The following DLG1 variants were observed in gnomAD, a reference collection of about 807,000 sequenced individuals.
DLG1 encodes disks large homolog 1.
DLG1 carries 42 observed loss-of-function variants against 123.4 expected under a neutral mutation model. The ratio of observed to expected loss-of-function variants is 0.34; its 90% confidence interval spans 0.27 to 0.44. The LOEUF (loss-of-function observed/expected upper bound fraction) is 0.44. Among genes scored for constraint, DLG1 ranks in the 20% least tolerant of loss-of-function variants. DLG1 has a pLI of 1.00. For synonymous variants in DLG1, 317 were observed against 356.2 expected (o/e 0.89, Z 1.24); for missense variants, 942 against 1,082.6 (o/e 0.87, Z 1.82).
intron 4 of DLG1, among the ~76,000 whole-genome samples, chr3:197,221,413 G>A (rs372688149): frequency 3.3e-5 from 5 of 152,006 alleles, no homozygotes; most frequent in South Asian, 2.1e-4. Flanking sequence ...CCAGCTACTC[G>A]GGAGGCTGAC....
intron 5 of DLG1, among the ~76,000 whole-genome samples, chr3:197,189,159 T>A (rs1173947149): frequency 6.6e-6 from 1 of 152,194 alleles, no homozygotes; most frequent in African/African-American, 2.4e-5. Flanking sequence ...TGGTAATCCA[T>A]CCAAAGGAAA....
chr3:197,069,530 C>T, intron 18 of DLG1: 1 of 249,066 alleles, frequency 4.0e-6, no homozygotes, highest in Non-Finnish European at 7.5e-6. Context: ...ACAAAAAGGG[C>T]TAAGTGACCC....
At chr3:197,225,396 G>A (rs1413227901) in intron 4 of DLG1, among the ~76,000 whole-genome samples, 1 of 152,146 alleles carries the variant, frequency 6.6e-6, no homozygotes, top group Non-Finnish European at 1.5e-5. Flanking sequence ...TTCTTTTGGT[G>A]TTTATTTTGT....
At chr3:197,277,653 G>A (rs1292154261) in intron 4 of DLG1, among the ~76,000 whole-genome samples, 2 of 151,058 alleles carry the variant, frequency 1.3e-5, no homozygotes, top group African/African-American at 4.9e-5. Context: ...ATCTTTTTAA[G>A]AGTCATCTAT....
At position 197,064,292 on chromosome 3, in the gene DLG1, CA is replaced by C. The variant is rs1737994909; in HGVS notation, c.2373+983del. On this transcript the variant is annotated intron_variant, in intron 22 of 24. Coordinates refer to ENST00000667157, the MANE Select transcript of DLG1 (RefSeq NM_001366207.1). ...CACTGCAACCTCCACCTCCCAGGTA[CA>C]AGCAATTCTCCTGCCTCAGCCTCCT... 3.3e-5 allele frequency among the ~76,000 whole-genome samples: 5 copies of C among 151,768 alleles called. No homozygotes were observed. The South Asian group carries it at 1.0e-3, about 32-fold the overall frequency.
chr3:197,120,767 A>C (rs757800117), intron 11 of DLG1, among the ~76,000 whole-genome samples: 10 of 152,204 alleles, frequency 6.6e-5, no homozygotes, highest in Non-Finnish European at 1.5e-4. Context: ...TTAGAGATGC[A>C]GTGTATCTAT....
chr3:197,154,760 A>C (rs950869992), intron 5 of DLG1, among the ~76,000 whole-genome samples: 1 of 152,160 alleles, frequency 6.6e-6, no homozygotes, highest in Non-Finnish European at 1.5e-5. Flanking sequence ...AGAGAAATAA[A>C]AATTATAAAA....
rs200331171 is a variant in DLG1 at position 197,116,048 on chromosome 3, G to C, written c.1322C>G (p.Thr441Arg). 2.9e-5 allele frequency: 46 copies of C among 1,607,668 alleles called. 1 individual carries two copies. The highest frequency in any genetic ancestry group is 3.4e-5 in the Admixed American group (2 of 58,718). Residue 441 changes from threonine to arginine, a missense_variant, in exon 13 of 25, where the codon ACG becomes AGG. Physicochemically the swap from Thr to Arg is moderately conservative, Grantham distance 71. Coordinates refer to ENST00000667157, the MANE Select transcript of DLG1 (RefSeq NM_001366207.1). ...TCCTACAATGTTGAAACCAAGGCCC[G>C]TTGAGCCACGATGAAGAACAACTTT... ...PRKVVLHRGS[T>R]GLGFNIVGGE...
At chr3:197,151,064 C>T (rs966141469) in intron 5 of DLG1, among the ~76,000 whole-genome samples, 1 of 152,094 alleles carries the variant, frequency 6.6e-6, no homozygotes, top group African/African-American at 2.4e-5. Context: ...AGCAAAGCTA[C>T]CCAACTTACA....
At chr3:197,239,022 G>T (rs1747478266) in intron 4 of DLG1, among the ~76,000 whole-genome samples, 1 of 151,686 alleles carries the variant, frequency 6.6e-6, no homozygotes, top group Admixed American at 6.6e-5. Flanking sequence ...AGAAACAGAA[G>T]AAAAAACTTA....
intron 4 of DLG1, among the ~76,000 whole-genome samples, chr3:197,212,060 A>C (rs1053895954): frequency 2.0e-5 from 3 of 146,412 alleles, no homozygotes; most frequent in African/African-American, 7.3e-5. Context: ...TGAACACAAG[A>C]GAACAACAGA....
chr3:197,214,677 T>C (rs1165705839), intron 4 of DLG1, among the ~76,000 whole-genome samples: 1 of 151,928 alleles, frequency 6.6e-6, no homozygotes, highest in Non-Finnish European at 1.5e-5. Context: ...GCCAACTAGT[T>C]TGGGGGGAGG....
At chr3:197,215,450 C>T (rs1269344542) in intron 4 of DLG1, among the ~76,000 whole-genome samples, 1 of 152,014 alleles carries the variant, frequency 6.6e-6, no homozygotes, top group African/African-American at 2.4e-5. Context: ...GACAATACTA[C>T]ATAGGAGATT....
At chr3:197,094,022 G>A (rs1187200235) in intron 14 of DLG1, among the ~76,000 whole-genome samples, 1 of 152,162 alleles carries the variant, frequency 6.6e-6, no homozygotes, top group East Asian at 1.9e-4. Flanking sequence ...TTCAGTGGAA[G>A]CCAGATACCA....
At position 197,233,925 on chromosome 3, in the gene DLG1, C is replaced by T. The variant is rs1163056723; in HGVS notation, c.319-39336G>A. ...ACTAAAGAAATCCATCCATTATACA[C>T]TGGAAGCGGAGCTCTGATAAACAAT... On this transcript the variant is annotated intron_variant, in intron 4 of 24. Transcript: ENST00000667157. Among the ~76,000 whole-genome samples the T allele has an allele frequency of 2.6e-5, 4 of 152,240 alleles. 1 individual carries two copies. Among genetic ancestry groups the T allele is most frequent in the African/African-American group, 9.6e-5 (4 of 41,458 alleles).
intron 3 of DLG1, among the ~76,000 whole-genome samples, chr3:197,288,893 A>AT (rs1401049799): frequency 1.3e-5 from 2 of 152,224 alleles, no homozygotes; most frequent in South Asian, 4.1e-4. Context: ...CAACTGCAGT[A>AT]TATCTCCCCT....
intron 4 of DLG1, among the ~76,000 whole-genome samples, chr3:197,255,538 AG>A (rs1241758276): frequency 1.3e-5 from 2 of 152,218 alleles, no homozygotes; most frequent in African/African-American, 4.8e-5. Context: ...GAGAGAAATT[AG>A]TGGATATGTA....
intron 13 of DLG1, among the ~76,000 whole-genome samples, chr3:197,106,852 C>T (rs1766740761): frequency 6.6e-6 from 1 of 152,130 alleles, no homozygotes; most frequent in South Asian, 2.1e-4. Context: ...TTTACACCGA[C>T]ATTTTTAAAA....
intron 4 of DLG1, among the ~76,000 whole-genome samples, chr3:197,280,655 A>G (rs1053227144): frequency 1.3e-5 from 2 of 152,234 alleles, no homozygotes; most frequent in African/African-American, 4.8e-5. Flanking sequence ...ACAATCGCCT[A>G]TAAAAATAAG....
Sources: gnomAD v4.1 joint callset for allele counts (sites outside exome capture counted in the v4.1 genomes callset) on GRCh38, gnomAD v4.1.1 for gene constraint, MANE v1.5 for transcripts, NCBI Gene and HGNC (gene_info 2026-07-23, HGNC 2026-07-21) for gene names.